Variants in TENT2 observed in about 807,000 individuals in gnomAD.
TENT2 encodes poly(A) RNA polymerase GLD2.
Under a neutral mutation model 72.2 loss-of-function variants are expected in TENT2, and 44 were observed. The observed-to-expected ratio is 0.61, with a 90% CI of 0.48 to 0.78. TENT2 has a LOEUF of 0.78. Among genes scored for constraint, TENT2 ranks in the 30% least tolerant of loss-of-function variants. The pLI is 0.00. For synonymous variants in TENT2, 212 were observed against 192.5 expected (o/e 1.10, Z -0.84); for missense variants, 541 against 569.6 (o/e 0.95, Z 0.51).
At chr5:79,630,033 G>A (rs1773985695) in intron 4 of TENT2, among the ~76,000 whole-genome samples, 1 of 152,166 alleles carries the variant, frequency 6.6e-6, no homozygotes, top group Non-Finnish European at 1.5e-5. Context: ...AACTCGGGAG[G>A]CTGAGGCGGG....
At chr5:79,642,756 T>G in intron 6 of TENT2, 76 bp from the exon 7 acceptor site, 1 of 1,148,428 alleles carries the variant, frequency 8.7e-7, no homozygotes, top group Middle Eastern at 2.8e-4. Context: ...GTTTTCTTTT[T>G]GTTGAGATAC....
At chr5:79,674,858 T>C (rs1489753694) in intron 12 of TENT2, among the ~76,000 whole-genome samples, 1 of 152,190 alleles carries the variant, frequency 6.6e-6, no homozygotes, top group African/African-American at 2.4e-5. Flanking sequence ...GAATGTGGTA[T>C]CTTGGGAATC....
chr5:79,619,622 A>G lies in TENT2; in HGVS notation c.-27A>G, dbSNP rs994779147. On this transcript the variant is annotated 5_prime_UTR_variant, in exon 2 of 15. In the 5' UTR this introduces an upstream ATG that the reference lacks. Coordinates refer to ENST00000453514, the MANE Select transcript of TENT2 (RefSeq NM_001114394.3). ...TTTAAATTATCCTAGGTAGAAGAAT[A>G]CATGTTCACTTCCAGTGAACAAGAG... is the stretch of plus-strand genomic sequence containing the variant. The G allele has an allele frequency of 5.6e-6, 9 of 1,606,816 alleles. No individual in the cohort carries two copies. In the Admixed American group the frequency reaches 1.5e-4, roughly 27 times the overall value.
chr5:79,625,756 A>G (rs968932254), intron 4 of TENT2, among the ~76,000 whole-genome samples: 2 of 151,984 alleles, frequency 1.3e-5, no homozygotes, highest in African/African-American at 2.4e-5. Flanking sequence ...AGGAAAAACA[A>G]TCAGGCAAAA....
At chr5:79,631,141 AG>A (rs1328970254) in intron 4 of TENT2, among the ~76,000 whole-genome samples, 2 of 152,188 alleles carry the variant, frequency 1.3e-5, no homozygotes, top group Non-Finnish European at 2.9e-5. Context: ...TACTACATTT[AG>A]TAGCATTCCT....
intron 10 of TENT2, among the ~76,000 whole-genome samples, chr5:79,653,617 T>C (rs1448646021): frequency 6.6e-6 from 1 of 152,218 alleles, no homozygotes; most frequent in Non-Finnish European, 1.5e-5. Context: ...TGGTTTATAA[T>C]TAATGGCACT....
At chr5:79,619,957 A>G in intron 2 of TENT2, 37 bp from the exon 3 acceptor site, 1 of 1,496,160 alleles carries the variant, frequency 6.7e-7, no homozygotes, top group Non-Finnish European at 9.1e-7. Flanking sequence ...AAGAAAAAAT[A>G]TGTATAAATT....
At chr5:79,646,665 C>T (rs533276620) in intron 8 of TENT2, among the ~76,000 whole-genome samples, 2 of 151,604 alleles carry the variant, frequency 1.3e-5, no homozygotes, top group Non-Finnish European at 2.9e-5. Context: ...ATAATATTAG[C>T]TAATTATAAG....
Position 79,685,278 on chromosome 5 carries a change from C to T in TENT2, c.*5C>T. ...GCTGCTGTCCTGAAAAGATAACTGG[C>T]CTCTATTTCTTAATAAATTCTTCCA... is the stretch of plus-strand genomic sequence containing the variant. On this transcript the variant is annotated 3_prime_UTR_variant, in exon 15 of 15. Coordinates refer to ENST00000453514, the MANE Select transcript of TENT2 (RefSeq NM_001114394.3). 6.4e-7 allele frequency: 1 copy of T among 1,561,776 alleles called. No individual in the cohort carries two copies. The highest frequency in any genetic ancestry group is 8.7e-7 in the Non-Finnish European group (1 of 1,152,620).
chr5:79,620,333 C>G (rs996392510), intron 3 of TENT2, among the ~76,000 whole-genome samples: 1 of 152,122 alleles, frequency 6.6e-6, no homozygotes, highest in African/African-American at 2.4e-5. Flanking sequence ...TTTTCTATAT[C>G]CCAGGTTTTC....
At chr5:79,633,712 G>A (rs1485552848) in intron 4 of TENT2, among the ~76,000 whole-genome samples, 1 of 145,374 alleles carries the variant, frequency 6.9e-6, no homozygotes. Context: ...CACTGTGCCA[G>A]GCTAAAAAGT....
In TENT2 at chr5:79,635,138, C is replaced by T. The variant is rs567158005; in HGVS notation, c.466-5713C>T. On this transcript the variant is annotated intron_variant, in intron 4 of 14. Transcript: ENST00000453514. ...AGGATATTTCATATTATACATTCCT[C>T]CTCTCTATTTTTTTAAGAACTATAA... Among the ~76,000 whole-genome samples, 326 of 152,200 alleles carry T rather than the reference C, an allele frequency of 2.1e-3. 1 individual carries two copies. Among genetic ancestry groups the T allele is most frequent in the Middle Eastern group, 6.8e-3 (2 of 294 alleles).
chr5:79,649,238 T>C (rs770953573), intron 10 of TENT2, 48 bp downstream of exon 10: 19 of 1,556,494 alleles, frequency 1.2e-5, no homozygotes, highest in Non-Finnish European at 1.5e-5. Flanking sequence ...AAAGACAGCT[T>C]TATTATGGTG....
intron 1 of TENT2, among the ~76,000 whole-genome samples, chr5:79,614,883 G>A (rs568766340): frequency 2.8e-4 from 43 of 152,176 alleles, no homozygotes; most frequent in African/African-American, 9.6e-4. Flanking sequence ...TTAGAAAAAG[G>A]CATAGAAATT....
intron 12 of TENT2, among the ~76,000 whole-genome samples, chr5:79,675,532 C>A (rs1347567494): frequency 6.6e-6 from 1 of 152,056 alleles, no homozygotes; most frequent in Non-Finnish European, 1.5e-5. Context: ...CATTAAGAGC[C>A]CTCTTTAGCT....
chr5:79,631,642 C>T (rs376365010), intron 4 of TENT2, among the ~76,000 whole-genome samples: 1 of 152,082 alleles, frequency 6.6e-6, no homozygotes, highest in Non-Finnish European at 1.5e-5. Context: ...GGACATTTGG[C>T]AGTGAAAGGG....
chr5:79,644,021 C>G (rs1053108964), intron 7 of TENT2, among the ~76,000 whole-genome samples: 1 of 148,590 alleles, frequency 6.7e-6, no homozygotes, highest in African/African-American at 2.5e-5. Context: ...CTCGCTCTAT[C>G]ACGAGGCTGG....
rs563591220 is a variant in TENT2 at position 79,674,832 on chromosome 5, A to G, written c.1209-4747A>G. 2.6e-4 allele frequency among the ~76,000 whole-genome samples: 39 copies of G among 152,342 alleles called. No individual in the cohort carries two copies. The South Asian group carries it at 7.9e-3, about 31-fold the overall frequency. ...TCTAGGAAGAAAGAATCATTGAGATAGGAGGAAATCCAATGGAATGTGGTA... is the reference window on the plus strand; with the variant it reads ...TCTAGGAAGAAAGAATCATTGAGATGGGAGGAAATCCAATGGAATGTGGTA... On this transcript the variant is annotated intron_variant, in intron 12 of 14. Coordinates refer to ENST00000453514, the MANE Select transcript of TENT2 (RefSeq NM_001114394.3).
chr5:79,685,586 A>G lies in TENT2; in HGVS notation c.*313A>G, dbSNP rs749633519. ...AAAGTTTTTGATATAACTTCAATTA[A>G]TTGTACCACATGCTAATCCTGAAGA... On this transcript the variant is annotated 3_prime_UTR_variant, in exon 15 of 15. Transcript: ENST00000453514. 28 of 208,626 alleles carry G rather than the reference A, an allele frequency of 1.3e-4. No homozygotes were observed. The highest frequency in any genetic ancestry group is 2.2e-4 in the Non-Finnish European group (23 of 105,644). 12.9% of individuals were successfully genotyped at this position (208,626 alleles called of 1,614,324 possible).
Sources: gnomAD v4.1 joint callset for allele counts (sites outside exome capture counted in the v4.1 genomes callset) on GRCh38, gnomAD v4.1.1 for gene constraint, MANE v1.5 for transcripts, NCBI Gene and HGNC (gene_info 2026-07-23, HGNC 2026-07-21) for gene names.